Variants in TMEM255B observed in about 807,000 individuals in gnomAD.
The protein encoded by TMEM255B is family with sequence similarity 70, member B.
Under a neutral mutation model 34.5 loss-of-function variants are expected in TMEM255B, and 35 were observed. The observed-to-expected ratio is 1.01, with a 90% confidence interval of 0.77 to 1.34. TMEM255B has a LOEUF of 1.34. Among genes scored for constraint, TMEM255B ranks in the 40% most tolerant of loss-of-function variants. TMEM255B has a pLI of 0.00. For missense variants in TMEM255B, 432 were observed against 433.2 expected (o/e 1.00, Z 0.02); for synonymous variants, 206 against 201.2 (o/e 1.02, Z -0.20).
In TMEM255B at chr13:113,763,885, G is replaced by A. The variant is rs1030857547; in HGVS notation, c.47-2230G>A. On this transcript the variant is annotated intron_variant, in intron 1 of 8. Coordinates refer to ENST00000375353, the MANE Select transcript of TMEM255B (RefSeq NM_182614.4). ...TGAGAGACACAGGGAAGAACTGTGC[G>A]AGTTAGAGGTGGGGAGGAGGAAGGA... Among the ~76,000 whole-genome samples, 6 of 152,358 alleles carry A rather than the reference G, an allele frequency of 3.9e-5. No homozygotes were observed. The East Asian group carries it at 7.7e-4, about 20-fold the overall frequency.
intron 2 of TMEM255B, chr13:113,768,868 A>C: frequency 1.6e-6 from 1 of 623,590 alleles, no homozygotes; most frequent in Non-Finnish European, 3.1e-6. Flanking sequence ...CAGATGCATC[A>C]TTAAAAACCT....
rs2051387213 is a variant in TMEM255B at position 113,815,029 on chromosome 13, GGAGGGCAGGGTCA to G, written c.*3130_*3142del. On this transcript the variant is annotated 3_prime_UTR_variant, in exon 9 of 9. Coordinates refer to ENST00000375353, the MANE Select transcript of TMEM255B (RefSeq NM_182614.4). ...TAGTGTAGCTGCAGGTTGTGACTGA[GGAGGGCAGGGTCA>G]GAGCATTGCCCTGGGCAGGGGTCCG... 1 of 152,144 alleles carries G rather than the reference GGAGGGCAGGGTCA, an allele frequency of 6.6e-6. No homozygotes were observed. Among genetic ancestry groups the G allele is most frequent in the Non-Finnish European group, 1.5e-5 (1 of 68,084 alleles). The allele number at this position is 152,144 out of a possible 1,614,324, so 9.4% of individuals were successfully genotyped here.
intron 3 of TMEM255B, among the ~76,000 whole-genome samples, chr13:113,775,720 A>G (rs1404706523): frequency 6.6e-6 from 1 of 152,080 alleles, no homozygotes; most frequent in South Asian, 2.1e-4. Context: ...AGGCGGCCAC[A>G]CTCGCTGGGC....
intron 4 of TMEM255B, 51 bp from the exon 5 acceptor site, chr13:113,799,288 C>T: frequency 6.3e-7 from 1 of 1,589,068 alleles, no homozygotes; most frequent in Non-Finnish European, 8.6e-7. Flanking sequence ...TCTGGCCTCT[C>T]CCGCCTGGAG....
chr13:113,765,286 G>A (rs2140801610), intron 1 of TMEM255B, among the ~76,000 whole-genome samples: 1 of 152,330 alleles, frequency 6.6e-6, no homozygotes, highest in African/African-American at 2.4e-5. Flanking sequence ...ATAGTTTTGT[G>A]AAACTCATTT....
intron 7 of TMEM255B, 76 bp from the exon 8 acceptor site, chr13:113,804,809 G>C (rs1594166061): frequency 5.8e-6 from 8 of 1,384,072 alleles, no homozygotes; most frequent in Non-Finnish European, 7.8e-6. Flanking sequence ...AGGGTGCTGG[G>C]CTTTCTAGGA....
At chr13:113,807,687 GC>G (rs1434867682) in intron 8 of TMEM255B, among the ~76,000 whole-genome samples, 9 of 138,364 alleles carry the variant, frequency 6.5e-5, no homozygotes, top group South Asian at 2.4e-4. Context: ...CCCGTCACAC[GC>G]AGGCTTACGG....
At chr13:113,810,683 C>G (rs2051281368) in intron 8 of TMEM255B, among the ~76,000 whole-genome samples, 1 of 152,154 alleles carries the variant, frequency 6.6e-6, no homozygotes, top group African/African-American at 2.4e-5. Flanking sequence ...TCCTGGGGAC[C>G]ACAGCCTCTT....
intron 1 of TMEM255B, among the ~76,000 whole-genome samples, chr13:113,759,844 C>T (rs991930550): frequency 2.4e-4 from 37 of 152,304 alleles, no homozygotes; most frequent in African/African-American, 8.4e-4. Context: ...TCGTGTTTCT[C>T]CCCGGTGTGT....
chr13:113,783,865 C>T (rs934429506), intron 3 of TMEM255B, among the ~76,000 whole-genome samples: 9 of 151,882 alleles, frequency 5.9e-5, no homozygotes, highest in Non-Finnish European at 1.0e-4. Context: ...GAAGGGATTT[C>T]GGAGGAAGGG....
At chr13:113,759,535 CCTGTCTCTCTCT>C (rs1227390641) in intron 1 of TMEM255B, among the ~76,000 whole-genome samples, 12 of 147,702 alleles carry the variant, frequency 8.1e-5, no homozygotes, top group African/African-American at 1.8e-4. Context: ...ATTCTCTCTC[CCTGTCTCTCTCT>C]CTGTCTCTGT....
At chr13:113,765,668 C>A (rs111747496) in intron 1 of TMEM255B, among the ~76,000 whole-genome samples, 1,776 of 152,304 alleles carry the variant, frequency 0.012, 35 homozygotes, top group South Asian at 0.083. Context: ...CTCTCCCTGC[C>A]CCTCCCCTGG....
At chr13:113,795,458 C>T (rs2050905359) in intron 4 of TMEM255B, among the ~76,000 whole-genome samples, 2 of 151,842 alleles carry the variant, frequency 1.3e-5, no homozygotes, top group African/African-American at 4.8e-5. Context: ...ACACACAGAG[C>T]ACACAGCACA....
At chr13:113,766,022 C>T in intron 1 of TMEM255B, 93 bp from the exon 2 acceptor site, 3 of 1,538,732 alleles carry the variant, frequency 1.9e-6, no homozygotes, top group Non-Finnish European at 2.6e-6. Context: ...ATCCCAGGAC[C>T]CCTGGGTAAC....
chr13:113,781,817 C>A (rs1241773377), intron 3 of TMEM255B, among the ~76,000 whole-genome samples: 2 of 152,254 alleles, frequency 1.3e-5, no homozygotes, highest in Admixed American at 1.3e-4. Flanking sequence ...CAAGCTACCA[C>A]ATGCCTTGAC....
At chr13:113,773,525 C>A (rs370101477) in intron 3 of TMEM255B, among the ~76,000 whole-genome samples, 1 of 152,222 alleles carries the variant, frequency 6.6e-6, no homozygotes, top group Non-Finnish European at 1.5e-5. Flanking sequence ...CACCTGTCCA[C>A]GGGCTTCCCT....
Position 113,769,181 on chromosome 13 carries a change from G to T in TMEM255B, c.252+21G>T. ...AAATGGTAAGAAAGTACATGGGGTG[G>T]TGGGGAGCATGAGTCCCTCATCAGG... On this transcript the variant is annotated intron_variant, in intron 3 of 8. Transcript: ENST00000375353. The surrounding 1 kb of genome is among the most constrained non-coding windows in gnomAD (Gnocchi z 4.2). 1 of 1,613,672 alleles carries T rather than the reference G, an allele frequency of 6.2e-7. No individual in the cohort carries two copies. Among genetic ancestry groups the T allele is most frequent in the Admixed American group, 1.7e-5 (1 of 60,016 alleles).
chr13:113,798,634 G>A (rs1352078014), intron 4 of TMEM255B, among the ~76,000 whole-genome samples: 2 of 151,608 alleles, frequency 1.3e-5, no homozygotes, highest in African/African-American at 4.8e-5. Context: ...CAGATGGGTG[G>A]ATGGATGGAT....
intron 8 of TMEM255B, 64 bp downstream of exon 8, chr13:113,805,092 G>A (rs2051145793): frequency 2.0e-6 from 3 of 1,467,876 alleles, no homozygotes; most frequent in East Asian, 2.6e-5. Flanking sequence ...TGGACAGGAT[G>A]GGGCTGGGGT....
Sources: allele counts gnomAD v4.1 joint callset (sites outside exome capture counted in the v4.1 genomes callset), GRCh38; gene constraint gnomAD v4.1.1; non-coding constraint Gnocchi (gnomAD v3.1); transcripts MANE v1.5; gene names NCBI Gene and HGNC (gene_info 2026-07-23, HGNC 2026-07-21).